Variants in CSMD3 observed in about 807,000 individuals in gnomAD.
The protein encoded by CSMD3 is CUB and sushi domain-containing protein 3.
Under a neutral mutation model 435.2 loss-of-function variants are expected in CSMD3, and 177 were observed. That is an observed-to-expected ratio of 0.41 (90% CI 0.36 to 0.46). The LOEUF is 0.46. Among genes scored for constraint, CSMD3 ranks in the 20% least tolerant of loss-of-function variants. CSMD3 has a pLI of 0.34. For missense variants in CSMD3, 4,265 were observed against 4,504.6 expected (o/e 0.95, Z 1.52); for synonymous variants, 1,656 against 1,520.5 (o/e 1.09, Z -2.07).
chr8:113,397,535 T>G (rs1012018357), intron 1 of CSMD3, among the ~76,000 whole-genome samples: 1 of 152,030 alleles, frequency 6.6e-6, no homozygotes, highest in African/African-American at 2.4e-5. Flanking sequence ...GAACAAAGAC[T>G]GTGGGCCGGG....
chr8:112,935,505 C>T (rs1169297725), intron 9 of CSMD3, among the ~76,000 whole-genome samples: 1 of 152,010 alleles, frequency 6.6e-6, no homozygotes, highest in Non-Finnish European at 1.5e-5. Flanking sequence ...TTAGTATAGA[C>T]ACTTTTTTCA....
At chr8:112,581,324 A>C (rs1830320591) in intron 23 of CSMD3, among the ~76,000 whole-genome samples, 1 of 152,072 alleles carries the variant, frequency 6.6e-6, no homozygotes, top group South Asian at 2.1e-4. Flanking sequence ...GTGTGTAGAA[A>C]AATAATCCAA....
chr8:112,551,154 C>G (rs1016882922), intron 26 of CSMD3, among the ~76,000 whole-genome samples: 3 of 152,028 alleles, frequency 2.0e-5, no homozygotes, highest in African/African-American at 4.8e-5. Flanking sequence ...AGGGCAACAG[C>G]AGGGGACATT....
intron 4 of CSMD3, among the ~76,000 whole-genome samples, chr8:113,123,137 G>A (rs556746788): frequency 2.0e-5 from 3 of 152,120 alleles, no homozygotes; most frequent in Non-Finnish European, 2.9e-5. Flanking sequence ...CCAAGGTATG[G>A]TTAGTGGCCT....
intron 1 of CSMD3, among the ~76,000 whole-genome samples, chr8:113,408,660 T>G (rs1026496735): frequency 1.3e-5 from 2 of 151,990 alleles, no homozygotes; most frequent in Non-Finnish European, 2.9e-5. Context: ...AAGGAGTTTT[T>G]TTTTTTTTTT....
At chr8:112,637,707 C>A (rs1427634292) in intron 21 of CSMD3, among the ~76,000 whole-genome samples, 1 of 151,976 alleles carries the variant, frequency 6.6e-6, no homozygotes, top group East Asian at 1.9e-4. Context: ...ATTCCCAGAG[C>A]AGTTACTGTG....
chr8:113,195,814 T>TATATATATATATAC (rs1344054794), intron 3 of CSMD3, among the ~76,000 whole-genome samples: 7 of 133,444 alleles, frequency 5.2e-5, no homozygotes, highest in African/African-American at 2.0e-4. Context: ...TATATATATA[T>TATATATATATATAC]ACACACACAC....
intron 19 of CSMD3, among the ~76,000 whole-genome samples, chr8:112,649,736 A>T (rs1045894775): frequency 1.3e-5 from 2 of 152,232 alleles, no homozygotes; most frequent in Non-Finnish European, 2.9e-5. Context: ...AGTGCTGTGT[A>T]GCTGGTTAGA....
At chr8:113,129,870 A>G (rs991657526) in intron 4 of CSMD3, among the ~76,000 whole-genome samples, 17 of 152,138 alleles carry the variant, frequency 1.1e-4, no homozygotes, top group Non-Finnish European at 1.8e-4. Flanking sequence ...TTGTTTTTAC[A>G]AAGATAGGAA....
At position 112,337,629 on chromosome 8, in the gene CSMD3, G is replaced by A; in HGVS notation, c.6755C>T (p.Pro2252Leu). ...VGQTISFECF[P>L]GYTLIGNSAL... ...TGAATTTCCAATTAATGTGTATCCT[G>A]GGAAACATTCAAATGAAATGGTTTG... Residue 2252 changes from proline to leucine, a missense_variant, in exon 43 of 71, where the codon CCA (proline) becomes CTA (leucine). By Grantham distance (98) the Pro-to-Leu change is moderately conservative (BLOSUM62 -3). Coordinates refer to ENST00000297405, the MANE Select transcript of CSMD3 (RefSeq NM_198123.2). The A allele has an allele frequency of 1.2e-6, 2 of 1,613,158 alleles. No individual in the cohort carries two copies. The highest frequency in any genetic ancestry group is 1.7e-5 in the Admixed American group (1 of 59,982).
chr8:113,317,949 G>T (rs1029990724), intron 1 of CSMD3, among the ~76,000 whole-genome samples: 1 of 152,004 alleles, frequency 6.6e-6, no homozygotes, highest in African/African-American at 2.4e-5. Flanking sequence ...CATATAGTAC[G>T]CCTATAGTAT....
chr8:112,547,086 C>A (rs970755254), intron 27 of CSMD3, among the ~76,000 whole-genome samples: 1 of 151,974 alleles, frequency 6.6e-6, no homozygotes, highest in Non-Finnish European at 1.5e-5. Flanking sequence ...TTGTACTAAT[C>A]GGGGAAGGGG....
At chr8:113,143,760 C>A (rs2091606451) in intron 4 of CSMD3, among the ~76,000 whole-genome samples, 1 of 151,242 alleles carries the variant, frequency 6.6e-6, no homozygotes, top group Admixed American at 6.6e-5. Context: ...AATTCTAGAA[C>A]TGAATTGATT....
At chr8:112,920,984 C>T (rs1463908958) in intron 10 of CSMD3, among the ~76,000 whole-genome samples, 1 of 131,006 alleles carries the variant, frequency 7.6e-6, no homozygotes, top group Admixed American at 8.1e-5. Flanking sequence ...TATGTACACA[C>T]ATACGCGCGC....
intron 5 of CSMD3, among the ~76,000 whole-genome samples, chr8:113,035,055 C>G (rs919756909): frequency 2.6e-5 from 4 of 151,724 alleles, no homozygotes; most frequent in Non-Finnish European, 4.4e-5. Context: ...ATTGCCTAAG[C>G]TTCCATTTTA....
At chr8:113,362,169 C>A (rs1174902161) in intron 1 of CSMD3, among the ~76,000 whole-genome samples, 1 of 152,054 alleles carries the variant, frequency 6.6e-6, no homozygotes, top group East Asian at 1.9e-4. Flanking sequence ...AAAAAAATTA[C>A]TGAACACAAA....
intron 10 of CSMD3, among the ~76,000 whole-genome samples, chr8:112,917,374 G>A (rs1479305430): frequency 6.6e-6 from 1 of 151,860 alleles, no homozygotes; most frequent in Non-Finnish European, 1.5e-5. Flanking sequence ...AAGAATTTTT[G>A]TAGGAGGTGA....
chr8:112,316,278 T>C (rs925808395), intron 47 of CSMD3, among the ~76,000 whole-genome samples: 1 of 151,808 alleles, frequency 6.6e-6, no homozygotes, highest in African/African-American at 2.4e-5. Flanking sequence ...TTCATGGATA[T>C]AATTTTGAGA....
intron 1 of CSMD3, among the ~76,000 whole-genome samples, chr8:113,395,669 G>T (rs2133177044): frequency 1.3e-5 from 2 of 151,636 alleles, no homozygotes; most frequent in South Asian, 4.2e-4. Flanking sequence ...ATATATGAAG[G>T]AAAGTATTTT....
Sources: gnomAD v4.1 joint callset for allele counts (sites outside exome capture counted in the v4.1 genomes callset) on GRCh38, gnomAD v4.1.1 for gene constraint, MANE v1.5 for transcripts, NCBI Gene and HGNC (gene_info 2026-07-23, HGNC 2026-07-21) for gene names.